The following ACAD8 variants were observed in gnomAD, a reference collection of about 807,000 sequenced individuals.
ACAD8 encodes the protein acyl-CoA dehydrogenase family member 8.
Under a neutral mutation model 53.1 loss-of-function variants are expected in ACAD8, and 47 were observed. The observed-to-expected ratio is 0.89, with a 90% CI of 0.70 to 1.13. The LOEUF is 1.13. Among genes scored for constraint, ACAD8 ranks in the 50% most tolerant of loss-of-function variants. ACAD8 has a pLI of 0.00. For missense variants in ACAD8, 494 were observed against 535.0 expected (o/e 0.92, Z 0.76); for synonymous variants, 198 against 201.3 (o/e 0.98, Z 0.14).
intron 3 of ACAD8, 91 bp downstream of exon 3, chr11:134,257,348 A>G (rs1312840427): frequency 6.7e-7 from 1 of 1,496,176 alleles, no homozygotes; most frequent in African/African-American, 1.4e-5. Context: ...GATCTTTTGA[A>G]GCTGAGTGTC....
chr11:134,259,913 T>C (rs551726223), intron 6 of ACAD8, 168 bp downstream of exon 6: 1 of 1,480,128 alleles, frequency 6.8e-7, no homozygotes, highest in African/African-American at 1.4e-5. Flanking sequence ...CAACAGGGCA[T>C]TATTAAACAC....
chr11:134,263,913 CTT>C, intron 10 of ACAD8: 4 of 985,374 alleles, frequency 4.1e-6, no homozygotes, highest in Non-Finnish European at 4.8e-6. Flanking sequence ...GTTTATATTT[CTT>C]TTTGCATTAA....
At position 134,261,144 on chromosome 11, in the gene ACAD8, C is replaced by T. The variant is rs142790411; in HGVS notation, c.806C>T (p.Ala269Val). 44 of 1,612,418 alleles carry T rather than the reference C, an allele frequency of 2.7e-5. No individual in the cohort carries two copies. The highest frequency in any genetic ancestry group is 3.5e-5 in the Non-Finnish European group (41 of 1,179,374). ...AGCGAGGGGCAGGGCTTCCTCATTGCCGTGAGAGGACTGAACGGAGGGAGG... is the reference window on the plus strand; with the variant it reads ...AGCGAGGGGCAGGGCTTCCTCATTGTCGTGAGAGGACTGAACGGAGGGAGG... ...IGSEGQGFLI[A>V]VRGLNGGRIN... The change falls in exon 7 of 11, where the codon GCC becomes GTC. Residue 269 changes from alanine (A) to valine (V), a missense_variant. By Grantham distance (64) the Ala-to-Val change is moderately conservative. Coordinates refer to ENST00000281182, the MANE Select transcript of ACAD8 (RefSeq NM_014384.3). The surrounding 1 kb of genome is among the most constrained non-coding windows in gnomAD (Gnocchi z 4.2).
Position 134,261,728 on chromosome 11 carries a change from T to C in ACAD8, c.940-10T>C, listed in dbSNP as rs376543138. The C allele has an allele frequency of 6.2e-7, 1 of 1,613,280 alleles. No individual in the cohort carries two copies. The highest frequency in any genetic ancestry group is 8.5e-7 in the Non-Finnish European group (1 of 1,180,038). ...CAGTCTTGTCTGGTTCTCTGCTCCCTGTGCTGCAGTACTTGCAATTCACAC... is the reference window on the plus strand; with the variant it reads ...CAGTCTTGTCTGGTTCTCTGCTCCCCGTGCTGCAGTACTTGCAATTCACAC... On this transcript the variant is annotated splice_polypyrimidine_tract_variant and intron_variant, in intron 8 of 10. Transcript: ENST00000281182. The surrounding 1 kb of genome is among the most constrained non-coding windows in gnomAD (Gnocchi z 4.2).
intron 10 of ACAD8, 183 bp downstream of exon 10, chr11:134,262,805 A>G: frequency 2.7e-6 from 4 of 1,485,478 alleles, no homozygotes; most frequent in East Asian, 2.7e-5. Flanking sequence ...CCAGAGCCGC[A>G]GCTTCGTCCC....
rs775352104 is a variant in ACAD8, at chr11:134,261,288, G to A, written c.855G>A (p.Leu285=). The change falls in exon 8 of 11, where the codon CTG becomes CTA. Residue 285 remains leucine (L), a synonymous_variant. Coordinates refer to ENST00000281182, the MANE Select transcript of ACAD8 (RefSeq NM_014384.3). This position sits in a 1 kb window ranked among gnomAD's most constrained non-coding sequence, Gnocchi z 4.2. ...CTTCCCCTCTAGCTTCCTGCTCCCT[G>A]GGGGCTGCCCACGCCTCTGTCATCC... ...GGRINIASCS[L]GAAHASVILT... The A allele has an allele frequency of 6.2e-7, 1 of 1,614,164 alleles. No homozygotes were observed. Among genetic ancestry groups the A allele is most frequent in the Non-Finnish European group, 8.5e-7 (1 of 1,180,034 alleles).
chr11:134,263,489 T>C, intron 10 of ACAD8: 1 of 985,234 alleles, frequency 1.0e-6, no homozygotes, highest in Non-Finnish European at 1.2e-6. Context: ...CTGCCACAGC[T>C]TGTCTGAGAA....
At chr11:134,259,797 G>T (rs753296656) in intron 6 of ACAD8, 52 bp downstream of exon 6, 5 of 1,613,414 alleles carry the variant, frequency 3.1e-6, no homozygotes, top group Non-Finnish European at 4.2e-6. Flanking sequence ...TCTGCCACCT[G>T]CCAGCCCAAC....
At chr11:134,257,396 G>C in intron 3 of ACAD8, 139 bp downstream of exon 3, 1 of 1,107,014 alleles carries the variant, frequency 9.0e-7, no homozygotes. Context: ...TCTAGGGGCC[G>C]GGCGCAGTGG....
rs1271430398 is a variant in ACAD8 at position 134,253,630 on chromosome 11, G to GGC, written c.35_36dup (p.Leu13AlafsTer20). The GGC allele has an allele frequency of 3.2e-6, 5 of 1,583,744 alleles. No individual in the cohort carries two copies. In the African/African-American group the frequency reaches 5.4e-5, roughly 17 times the overall value. On this transcript the variant is annotated frameshift_variant, in exon 1 of 11. Coordinates refer to ENST00000281182, the MANE Select transcript of ACAD8 (RefSeq NM_014384.3). LOFTEE classifies it high-confidence loss of function. ...TGTGGAGCGGCTGCCGGCGTTTCGG[G>GGC]GCGCGCCTCGGCTGCCTGCCCGGCG... is the stretch of plus-strand genomic sequence containing the variant.
chr11:134,259,643 T>C lies in ACAD8; in HGVS notation c.603T>C (p.Tyr201=). ...GTGGTGCTGGTGAGTCAGACATCTA[T>C]GTGGTCATGTGCCGAACAGGAGGAC... ...FISGAGESDI[Y]VVMCRTGGPG... The change falls in exon 6 of 11, where the codon TAT becomes TAC. Residue 201 remains tyrosine (Y), a synonymous_variant. Transcript: ENST00000281182. The C allele has an allele frequency of 6.2e-7, 1 of 1,614,192 alleles. No individual in the cohort carries two copies. The highest frequency in any genetic ancestry group is 8.5e-7 in the Non-Finnish European group (1 of 1,180,034).
intron 2 of ACAD8, 30 bp from the exon 3 acceptor site, chr11:134,257,058 G>A (rs745935276): frequency 6.2e-7 from 1 of 1,613,976 alleles, no homozygotes; most frequent in Non-Finnish European, 8.5e-7. Flanking sequence ...TGAATCAGCT[G>A]CTGATCACCC....
intron 2 of ACAD8, 185 bp downstream of exon 2, chr11:134,256,833 T>A (rs1939557677): frequency 5.9e-6 from 4 of 674,150 alleles, no homozygotes; most frequent in Non-Finnish European, 7.4e-6. Flanking sequence ...CATAACTTTT[T>A]TTTTGTTAGT....
At chr11:134,262,298 G>T in intron 9 of ACAD8, 1 of 669,042 alleles carries the variant, frequency 1.5e-6, no homozygotes, top group Non-Finnish European at 2.7e-6. Context: ...GAGGGGCAGA[G>T]GGCTTTGAGT....
chr11:134,256,968 C>A, intron 2 of ACAD8, 120 bp from the exon 3 acceptor site: 1 of 1,053,890 alleles, frequency 9.5e-7, no homozygotes, highest in South Asian at 1.3e-5. Context: ...GACAAACAGG[C>A]ATATTAAGAG....
Position 134,257,227 on chromosome 11 carries a change from C to T in ACAD8, c.350C>T (p.Thr117Ile). ...TTTGAAGCCTTGGCTACAGGCTGCA[C>T]CAGCACCACAGCCTATATAAGCATC... ...VIFEALATGC[T>I]STTAYISIHN... The change falls in exon 3 of 11, where the codon ACC becomes ATC. Residue 117 changes from threonine (T) to isoleucine (I), a missense_variant. Thr to Ile is a moderately conservative substitution (Grantham distance 89, BLOSUM62 -1). Transcript: ENST00000281182. 6.2e-7 allele frequency: 1 copy of T among 1,614,168 alleles called. No homozygotes were observed. The highest frequency in any genetic ancestry group is 1.3e-5 in the African/African-American group (1 of 75,046).
At chr11:134,255,167 C>T (rs549534086) in intron 1 of ACAD8, among the ~76,000 whole-genome samples, 11 of 152,254 alleles carry the variant, frequency 7.2e-5, no homozygotes, top group African/African-American at 2.4e-4. Context: ...GATGGAGTCT[C>T]TTTCTGTTGC....
At position 134,257,269 on chromosome 11, in the gene ACAD8, A is replaced by G. The variant is rs1939591899; in HGVS notation, c.380+12A>G. On this transcript the variant is annotated intron_variant, in intron 3 of 10. Coordinates refer to ENST00000281182, the MANE Select transcript of ACAD8 (RefSeq NM_014384.3). ...ATAAGCATCCACAAGTGAGTGCCCA[A>G]GCTTGGAAGGCACAATGAAGTGCTC... 1 of 1,614,070 alleles carries G rather than the reference A, an allele frequency of 6.2e-7. No homozygotes were observed. Among genetic ancestry groups the G allele is most frequent in the Non-Finnish European group, 8.5e-7 (1 of 1,180,018 alleles).
rs1939891204 is a variant in ACAD8, at chr11:134,261,711, T to C, written c.940-27T>C. On this transcript the variant is annotated intron_variant, in intron 8 of 10. Transcript: ENST00000281182. This position sits in a 1 kb window ranked among gnomAD's most constrained non-coding sequence, Gnocchi z 4.2. Reference sequence around the variant, plus strand: ...TGCTGGTCTAAGCCCCTCAGTCTTGTCTGGTTCTCTGCTCCCTGTGCTGCA... The same window carrying C: ...TGCTGGTCTAAGCCCCTCAGTCTTGCCTGGTTCTCTGCTCCCTGTGCTGCA... The C allele has an allele frequency of 1.2e-6, 2 of 1,612,076 alleles. No homozygotes were observed. Among genetic ancestry groups the C allele is most frequent in the Non-Finnish European group, 1.7e-6 (2 of 1,179,972 alleles).
Sources: gnomAD v4.1 joint callset for allele counts (sites outside exome capture counted in the v4.1 genomes callset) on GRCh38, gnomAD v4.1.1 for gene constraint, Gnocchi (gnomAD v3.1) non-coding constraint, MANE v1.5 for transcripts, NCBI Gene and HGNC (gene_info 2026-07-23, HGNC 2026-07-21) for gene names.